Variants in DCAKD observed in about 807,000 individuals in gnomAD.
DCAKD encodes the protein dephospho-CoA kinase domain containing.
In DCAKD, 15 loss-of-function variants were observed where a neutral mutation model predicts 18.7. The ratio of observed to expected loss-of-function variants is 0.80; its 90% CI spans 0.54 to 1.24. DCAKD has a LOEUF of 1.24. DCAKD is among the 50% of genes most tolerant of loss of function. The pLI is 0.00. For missense variants in DCAKD, 301 were observed against 322.0 expected, an observed-to-expected ratio of 0.93 and a Z score of 0.50; for synonymous variants, 130 against 133.0, an observed-to-expected ratio of 0.98 and a Z score of 0.16.
At chr17:45,031,908 T>C in intron 3 of DCAKD, 1 of 985,456 alleles carries the variant, frequency 1.0e-6, no homozygotes, top group Non-Finnish European at 1.2e-6. Context: ...AGGGAAAAAC[T>C]GGGACTGTGG....
intron 1 of DCAKD, among the ~76,000 whole-genome samples, chr17:45,044,517 T>C (rs1219193900): frequency 2.0e-5 from 3 of 151,846 alleles, no homozygotes; most frequent in African/African-American, 7.3e-5. Flanking sequence ...CATAGCAAAA[T>C]CCTGTCTCTA....
chr17:45,033,913 C>A, intron 3 of DCAKD: 2 of 1,447,440 alleles, frequency 1.4e-6, no homozygotes, highest in South Asian at 1.3e-5. Flanking sequence ...TACTCCCATC[C>A]CTACTAGAAA....
intron 1 of DCAKD, among the ~76,000 whole-genome samples, chr17:45,045,731 C>CAAAA (rs759264562): frequency 1.3e-4 from 9 of 70,620 alleles, no homozygotes; most frequent in African/African-American, 4.1e-4. Flanking sequence ...GACTCTGTCT[C>CAAAA]AAAAAAAAAA....
At chr17:45,057,774 A>C (rs1272796280) in intron 1 of DCAKD, among the ~76,000 whole-genome samples, 1 of 148,298 alleles carries the variant, frequency 6.7e-6, no homozygotes, top group Non-Finnish European at 1.5e-5. Context: ...ACTTTGGGAG[A>C]GCGAGGTGGG....
rs763006768 is a variant in DCAKD, at chr17:45,030,044, G to A, written c.404+48C>T. The A allele has an allele frequency of 5.2e-6, 8 of 1,537,000 alleles. No homozygotes were observed. In the East Asian group the frequency reaches 1.6e-4, roughly 30 times the overall value. ...GCAAAATGATGTGGGCTGTTTCCCAGATACCCCCATGGTCCTCCCTTCCAG... is the reference window on the plus strand; with the variant it reads ...GCAAAATGATGTGGGCTGTTTCCCAAATACCCCCATGGTCCTCCCTTCCAG... On this transcript the variant is annotated intron_variant, in intron 4 of 4. Coordinates refer to ENST00000651974, the MANE Select transcript of DCAKD (RefSeq NM_001288655.2).
intron 3 of DCAKD, chr17:45,032,113 T>C (rs2053181895): frequency 1.0e-6 from 1 of 985,428 alleles, no homozygotes; most frequent in Non-Finnish European, 1.2e-6. Context: ...CCTGCAGATA[T>C]ACCAGTAACT....
At chr17:45,058,623 C>T (rs1283997120) in intron 1 of DCAKD, among the ~76,000 whole-genome samples, 18 of 151,460 alleles carry the variant, frequency 1.2e-4, no homozygotes, top group Admixed American at 7.2e-4. Context: ...GGTTTCGCCA[C>T]GTTGGCCAGG....
intron 1 of DCAKD, among the ~76,000 whole-genome samples, chr17:45,049,259 C>T (rs1022478333): frequency 9.2e-5 from 14 of 152,034 alleles, no homozygotes; most frequent in Admixed American, 7.9e-4. Flanking sequence ...AGCAAGACCT[C>T]GTCTCTACTA....
In DCAKD at chr17:45,023,513, G is replaced by C. The variant is rs533977589; in HGVS notation, c.*920C>G. The C allele has an allele frequency of 6.9e-6, 1 of 145,578 alleles. No individual in the cohort carries two copies. The highest frequency in any genetic ancestry group is 1.5e-5 in the Non-Finnish European group (1 of 66,782). 9.0% of individuals were successfully genotyped at this position (145,578 alleles called of 1,614,324 possible). The stretch of plus-strand genomic sequence containing the variant: ...GCTAATTACTGTACTGTTGGATTAA[G>C]GTAAAATGTTGAGGGGGAGTTGGTA... On this transcript the variant is annotated 3_prime_UTR_variant, in exon 5 of 5. Coordinates refer to ENST00000651974, the MANE Select transcript of DCAKD (RefSeq NM_001288655.2).
intron 1 of DCAKD, among the ~76,000 whole-genome samples, chr17:45,037,195 G>A (rs981182975): frequency 2.0e-5 from 3 of 152,124 alleles, no homozygotes; most frequent in South Asian, 2.1e-4. Context: ...GGCCACGCAC[G>A]GTGTTCACGC....
upstream of DCAKD, among the ~76,000 whole-genome samples, chr17:45,053,610 G>A (rs1197450131): frequency 6.6e-6 from 1 of 152,182 alleles, no homozygotes; most frequent in Non-Finnish European, 1.5e-5. Context: ...TAGTAGAGAT[G>A]GGGTTTCACC....
chr17:45,032,581 G>A (rs1488780760), intron 3 of DCAKD, among the ~76,000 whole-genome samples: 1 of 151,918 alleles, frequency 6.6e-6, no homozygotes, highest in Non-Finnish European at 1.5e-5. Flanking sequence ...TCAGGAGTTT[G>A]AGACCAGCCT....
chr17:45,026,074 A>G (rs1477921087), intron 4 of DCAKD, among the ~76,000 whole-genome samples: 1 of 151,630 alleles, frequency 6.6e-6, no homozygotes, highest in Admixed American at 6.6e-5. Context: ...GTGCAACACC[A>G]TGCCCAGCTA....
intron 1 of DCAKD, among the ~76,000 whole-genome samples, chr17:45,039,230 C>T (rs1597963264): frequency 6.6e-6 from 1 of 152,192 alleles, no homozygotes; most frequent in Non-Finnish European, 1.5e-5. Context: ...CACACCTAGA[C>T]CTGCCAGCAG....
intron 1 of DCAKD, among the ~76,000 whole-genome samples, chr17:45,035,338 G>A (rs571425235): frequency 2.2e-4 from 34 of 152,090 alleles, no homozygotes; most frequent in South Asian, 1.7e-3. Context: ...AAAATTAGCT[G>A]GGCGTGGTGG....
At chr17:45,059,199 C>T (rs556604696) in intron 1 of DCAKD, among the ~76,000 whole-genome samples, 13 of 152,136 alleles carry the variant, frequency 8.5e-5, no homozygotes, top group Admixed American at 3.3e-4. Context: ...AAAATCGCGC[C>T]ACTGCAATCC....
At chr17:45,032,193 AGGACACT>A (rs956935715) in intron 3 of DCAKD, 9 of 892,220 alleles carry the variant, frequency 1.0e-5, no homozygotes, top group Non-Finnish European at 1.2e-5. Context: ...GGGGACGGGA[AGGACACT>A]GGCACAACAT....
intron 1 of DCAKD, among the ~76,000 whole-genome samples, chr17:45,050,505 G>GAC (rs369059034): frequency 1.1e-3 from 163 of 152,202 alleles, no homozygotes; most frequent in African/African-American, 3.7e-3. Context: ...AAGACAGACA[G>GAC]AGGAGGATTT....
chr17:45,051,621 AGCGGGCGAG>A lies in DCAKD; in HGVS notation c.-384_-376del, dbSNP rs1475796189. On this transcript the variant is annotated 5_prime_UTR_variant, in exon 1 of 5. Transcript: ENST00000651974. Reference sequence around the variant, plus strand: ...CTCCGCAGCGCTTACAGGCCGGCTCAGCGGGCGAGGCGGGACCTCGGGAGCGCGCGCCTG... The same window carrying A: ...CTCCGCAGCGCTTACAGGCCGGCTCAGCGGGACCTCGGGAGCGCGCGCCTG... 2.7e-5 allele frequency: 4 copies of A among 150,000 alleles called. No homozygotes were observed. Among genetic ancestry groups the A allele is most frequent in the African/African-American group, 4.9e-5 (2 of 40,910 alleles). 9.3% of individuals were successfully genotyped at this position (150,000 alleles called of 1,614,324 possible). A position where few individuals can be genotyped will look rare whatever the true frequency, so the allele number is the denominator to read the frequency against.
Sources: allele counts gnomAD v4.1 joint callset (sites outside exome capture counted in the v4.1 genomes callset), GRCh38; gene constraint gnomAD v4.1.1; transcripts MANE v1.5; gene names NCBI Gene and HGNC (gene_info 2026-07-23, HGNC 2026-07-21).